Variants in AFG2A observed in about 807,000 individuals in gnomAD.
The protein encoded by AFG2A is ATPase family gene 2 protein homolog A.
the AFG2A span, among the ~76,000 whole-genome samples, chr4:123,240,474 T>G: frequency 7.5e-4 from 114 of 152,268 alleles, no homozygotes; most frequent in African/African-American, 2.6e-3. Flanking sequence ...ATTAAGAAAC[T>G]CACTCAAAAC....
chr4:122,939,056 C>CATAGGGGA, the AFG2A span, among the ~76,000 whole-genome samples: 2 of 147,134 alleles, frequency 1.4e-5, no homozygotes, highest in African/African-American at 5.0e-5. Context: ...CAGATTCTCT[C>CATAGGGGA]ATAGGGGATA....
chr4:123,145,466 C>G, the AFG2A span, among the ~76,000 whole-genome samples: 1 of 152,054 alleles, frequency 6.6e-6, no homozygotes. Context: ...ATAATAGTAG[C>G]AAATAATGCA....
chr4:123,178,194 A>G, the AFG2A span, among the ~76,000 whole-genome samples: 2 of 152,192 alleles, frequency 1.3e-5, no homozygotes, highest in Non-Finnish European at 2.9e-5. Context: ...CTGGGCTTTT[A>G]GTGTAACCAT....
At chr4:123,110,980 ATG>A in the AFG2A span, among the ~76,000 whole-genome samples, 3 of 152,182 alleles carry the variant, frequency 2.0e-5, no homozygotes, top group Non-Finnish European at 2.9e-5. Context: ...TAAAAATTTT[ATG>A]TGTTAGAAAA....
At chr4:123,080,292 T>A in the AFG2A span, among the ~76,000 whole-genome samples, 1 of 152,226 alleles carries the variant, frequency 6.6e-6, no homozygotes, top group Non-Finnish European at 1.5e-5. Flanking sequence ...GCTCTCACTC[T>A]CTCTCTGCCA....
At chr4:123,146,592 T>C in the AFG2A span, among the ~76,000 whole-genome samples, 3 of 152,242 alleles carry the variant, frequency 2.0e-5, no homozygotes, top group African/African-American at 7.2e-5. Flanking sequence ...TGTTTAATAA[T>C]AGACATCAGA....
At chr4:123,283,131 T>A in the AFG2A span, among the ~76,000 whole-genome samples, 1 of 152,164 alleles carries the variant, frequency 6.6e-6, no homozygotes, top group Non-Finnish European at 1.5e-5. Flanking sequence ...TCTCTCTGGT[T>A]TCCATGGAGG....
the AFG2A span, among the ~76,000 whole-genome samples, chr4:123,119,565 C>T: frequency 5.3e-5 from 8 of 152,080 alleles, no homozygotes; most frequent in Non-Finnish European, 1.2e-4. Flanking sequence ...CCTCATTTTG[C>T]TGTCATTTTC....
the AFG2A span, among the ~76,000 whole-genome samples, chr4:123,138,380 T>C: frequency 6.6e-6 from 1 of 152,192 alleles, no homozygotes; most frequent in African/African-American, 2.4e-5. Context: ...CCTCTAAGTA[T>C]GTATGACTTC....
chr4:123,145,881 T>C, the AFG2A span, among the ~76,000 whole-genome samples: 1 of 152,248 alleles, frequency 6.6e-6, no homozygotes, highest in African/African-American at 2.4e-5. Context: ...ATTTTTATGT[T>C]ATTTCTTAAT....
the AFG2A span, among the ~76,000 whole-genome samples, chr4:123,263,015 G>A: frequency 6.6e-6 from 1 of 152,178 alleles, no homozygotes; most frequent in African/African-American, 2.4e-5. Context: ...TTGGCAGAAA[G>A]AGTCTTCATG....
the AFG2A span, among the ~76,000 whole-genome samples, chr4:123,046,049 A>G: frequency 1.3e-5 from 2 of 151,732 alleles, no homozygotes; most frequent in African/African-American, 2.4e-5. Context: ...GTGAGTGGAG[A>G]TTGCACCACT....
At chr4:123,083,246 G>A in the AFG2A span, among the ~76,000 whole-genome samples, 1 of 152,136 alleles carries the variant, frequency 6.6e-6, no homozygotes, top group African/African-American at 2.4e-5. Context: ...ACCATTAAGT[G>A]TGATGTTAGC....
At chr4:123,113,039 T>C in the AFG2A span, among the ~76,000 whole-genome samples, 2 of 152,218 alleles carry the variant, frequency 1.3e-5, no homozygotes, top group African/African-American at 4.8e-5. Flanking sequence ...CTGTTTCATA[T>C]GTTTATAAAT....
the AFG2A span, among the ~76,000 whole-genome samples, chr4:123,192,985 G>C: frequency 6.6e-6 from 1 of 152,166 alleles, no homozygotes; most frequent in Non-Finnish European, 1.5e-5. Context: ...GCATTAACTT[G>C]TTATCTCTTG....
the AFG2A span, among the ~76,000 whole-genome samples, chr4:123,188,825 G>T: frequency 2.0e-5 from 3 of 152,142 alleles, no homozygotes; most frequent in African/African-American, 7.2e-5. Flanking sequence ...GGTTTATTGG[G>T]CCCGAGAATT....
chr4:122,999,562 G>C, the AFG2A span, among the ~76,000 whole-genome samples: 1 of 152,042 alleles, frequency 6.6e-6, no homozygotes, highest in Non-Finnish European at 1.5e-5. Context: ...TTATTAAATA[G>C]GGAATCCTTT....
At chr4:123,029,358 G>A in the AFG2A span, among the ~76,000 whole-genome samples, 8 of 152,010 alleles carry the variant, frequency 5.3e-5, no homozygotes, top group East Asian at 5.8e-4. Flanking sequence ...AGGCGTGAGC[G>A]ACTGCGTCTG....
chr4:123,299,849 A>G, the AFG2A span, among the ~76,000 whole-genome samples: 1 of 152,206 alleles, frequency 6.6e-6, no homozygotes, highest in Admixed American at 6.5e-5. Flanking sequence ...AAGTATACCA[A>G]CTGCTGCATT....
Sources: allele counts gnomAD v4.1 joint callset (sites outside exome capture counted in the v4.1 genomes callset), GRCh38; gene constraint gnomAD v4.1.1; transcripts MANE v1.5; gene names NCBI Gene and HGNC (gene_info 2026-07-23, HGNC 2026-07-21).